DENND4B: variants seen among roughly 807,000 people sequenced by gnomAD.
DENND4B encodes DENN domain-containing protein 4B.
Under a neutral mutation model 161.0 loss-of-function variants are expected in DENND4B, and 67 were observed. The ratio of observed to expected loss-of-function variants is 0.42; its 90% CI spans 0.34 to 0.51. DENND4B has a LOEUF of 0.51. DENND4B is among the 20% of genes least tolerant of loss of function. The pLI, the probability that DENND4B is intolerant of heterozygous loss-of-function variation, is 0.08. For synonymous variants in DENND4B, 753 were observed against 813.8 expected, an observed-to-expected ratio of 0.93 and a Z score of 1.27; for missense variants, 1,481 against 1,968.0, an observed-to-expected ratio of 0.75 and a Z score of 4.68.
rs373086561 is a variant in DENND4B at position 153,932,590 on chromosome 1, C to G, written c.3759+52G>C. Reference sequence around the variant, plus strand: ...CATCTCTCCCTGGCACCCCACAGGCCCCACACAGGGCAACATTCCCGTTCC... The same window carrying G: ...CATCTCTCCCTGGCACCCCACAGGCGCCACACAGGGCAACATTCCCGTTCC... On this transcript the variant is annotated intron_variant, in intron 23 of 27. Transcript: ENST00000361217. This position sits in a 1 kb window ranked among gnomAD's most constrained non-coding sequence, Gnocchi z 5.8. 1.3e-6 allele frequency: 2 copies of G among 1,587,018 alleles called. No homozygotes were observed. Among genetic ancestry groups the G allele is most frequent in the African/African-American group, 2.7e-5 (2 of 74,462 alleles).
chr1:153,937,868 A>G lies in DENND4B; in HGVS notation c.1966-5T>C, dbSNP rs748675234. 1.9e-6 allele frequency: 3 copies of G among 1,613,852 alleles called. No individual in the cohort carries two copies. Among genetic ancestry groups the G allele is most frequent in the Non-Finnish European group, 2.5e-6 (3 of 1,179,898 alleles). On this transcript the variant is annotated splice_region_variant and splice_polypyrimidine_tract_variant and intron_variant, in intron 13 of 27. Coordinates refer to ENST00000361217, the MANE Select transcript of DENND4B (RefSeq NM_014856.3). The surrounding 1 kb of genome is among the most constrained non-coding windows in gnomAD (Gnocchi z 4.7). ...CTTCTCCTGCTCTGGGTGGACCTGGAGAAGGATTTTAAGAGAGCAAGTGTT... is the reference window on the plus strand; with the variant it reads ...CTTCTCCTGCTCTGGGTGGACCTGGGGAAGGATTTTAAGAGAGCAAGTGTT...
rs371705078 is a variant in DENND4B, at chr1:153,936,516, T to A, written c.2439+26A>T. On this transcript the variant is annotated intron_variant, in intron 16 of 27. Transcript: ENST00000361217. The surrounding 1 kb of genome is among the most constrained non-coding windows in gnomAD (Gnocchi z 4.1). ...GCACAAGGCTCACTGGGCCTGGGTA[T>A]GAGCATGGTCACATAGATTGCCTAC... The A allele has an allele frequency of 2.6e-6, 4 of 1,544,828 alleles. No individual in the cohort carries two copies. The highest frequency in any genetic ancestry group is 3.5e-6 in the Non-Finnish European group (4 of 1,139,792).
In DENND4B at chr1:153,932,695, G is replaced by A. The variant is rs369283763; in HGVS notation, c.3706C>T (p.Arg1236Ter). The change falls in exon 23 of 28, where the codon CGA becomes TGA. Residue 1236 changes from arginine to a stop codon, truncating the protein, a stop_gained. Transcript: ENST00000361217. LOFTEE classifies it high-confidence loss of function. This position sits in a 1 kb window ranked among gnomAD's most constrained non-coding sequence, Gnocchi z 5.8. ...TCATCCAGAGCAAGGCAGAGCCTTC[G>A]GTCACTGAGCACAGGGCCAGGACCA... is the stretch of plus-strand genomic sequence containing the variant. Reference protein sequence around the residue: ...PGGPGPVLSDRRLCLALDEPQ... With the variant: ...PGGPGPVLSD 5 of 1,613,940 alleles carry A rather than the reference G, an allele frequency of 3.1e-6. No individual in the cohort carries two copies. Among genetic ancestry groups the A allele is most frequent in the South Asian group, 1.1e-5 (1 of 91,096 alleles).
chr1:153,942,121 G>A lies in DENND4B; in HGVS notation c.811-8C>T. The A allele has an allele frequency of 6.2e-7, 1 of 1,613,820 alleles. No individual in the cohort carries two copies. On this transcript the variant is annotated splice_polypyrimidine_tract_variant and splice_region_variant and intron_variant, in intron 5 of 27. Transcript: ENST00000361217. This position sits in a 1 kb window ranked among gnomAD's most constrained non-coding sequence, Gnocchi z 6.9. Reference sequence around the variant, plus strand: ...CAGGGCGGCACCATACACCTGGCAGGGGGCAGAAGGGTAGTCAGGCAGGCC... The same window carrying A: ...CAGGGCGGCACCATACACCTGGCAGAGGGCAGAAGGGTAGTCAGGCAGGCC...
Position 153,937,711 on chromosome 1 carries a change from A to G in DENND4B, c.2105+13T>C, listed in dbSNP as rs1679431284. 1 of 1,613,916 alleles carries G rather than the reference A, an allele frequency of 6.2e-7. No individual in the cohort carries two copies. The highest frequency in any genetic ancestry group is 1.1e-5 in the South Asian group (1 of 91,094). On this transcript the variant is annotated intron_variant, in intron 14 of 27. Coordinates refer to ENST00000361217, the MANE Select transcript of DENND4B (RefSeq NM_014856.3). The surrounding 1 kb of genome is among the most constrained non-coding windows in gnomAD (Gnocchi z 4.7). ...TGGGACCCTGGAACATGTGAAGGCT[A>G]AGAGACTCTCACCAGTACTGGGGAG...
Position 153,937,572 on chromosome 1 carries a change from A to G in DENND4B, c.2148T>C (p.Ser716=). ...FPELRAELFE[S]LQEQPGALPV... is the part of the protein sequence containing the mutation. ...GCAGGGCCCCAGGTTGCTCTTGAAG[A>G]GACTCAAACAACTCAGCCCGTAGCT... The change falls in exon 15 of 28, where the codon TCT becomes TCC. Residue 716 remains serine, a synonymous_variant. Coordinates refer to ENST00000361217, the MANE Select transcript of DENND4B (RefSeq NM_014856.3). This position sits in a 1 kb window ranked among gnomAD's most constrained non-coding sequence, Gnocchi z 4.7. The G allele has an allele frequency of 6.2e-7, 1 of 1,613,564 alleles. No individual in the cohort carries two copies. The highest frequency in any genetic ancestry group is 8.5e-7 in the Non-Finnish European group (1 of 1,179,658).
At chr1:153,939,553 A>G (rs1005509009) in intron 12 of DENND4B, 36 bp downstream of exon 12, 19 of 1,566,970 alleles carry the variant, frequency 1.2e-5, no homozygotes, top group East Asian at 2.3e-5. Flanking sequence ...ACCTCCTCCC[A>G]TGATACATCT....
chr1:153,934,170 C>A lies in DENND4B; in HGVS notation c.2906G>T (p.Gly969Val), dbSNP rs1248281779. The change falls in exon 19 of 28, where the codon GGG (glycine) becomes GTG (valine). Residue 969 changes from glycine to valine, a missense_variant. Around this residue, in one of 3 missense-constraint regions of DENND4B, gnomAD observed 339 missense variants for 330.3 expected, o/e 1.03. Transcript: ENST00000361217. The surrounding 1 kb of genome is among the most constrained non-coding windows in gnomAD (Gnocchi z 5.3). ...ACCGGCCTCCACAGTGGGCTGTGCC[C>A]CTCGGGCACTGCCCAGGCTACCACT... Reference protein sequence around the residue: ...VKSGSLGSARGAQPTVEAGVA... With the variant: ...VKSGSLGSARVAQPTVEAGVA... 5 of 1,591,514 alleles carry A rather than the reference C, an allele frequency of 3.1e-6. No homozygotes were observed. The South Asian group carries it at 5.7e-5, about 18-fold the overall frequency.
Position 153,946,162 on chromosome 1 carries a change from AC to A in DENND4B, c.-24+138del, listed in dbSNP as rs1463607490. ...GGGAGGTGCCCTCCCCTCCACTTTC[AC>A]TTCCCCAGGAGAGAGGAACCGGAAC... On this transcript the variant is annotated intron_variant, in intron 1 of 27. Coordinates refer to ENST00000361217, the MANE Select transcript of DENND4B (RefSeq NM_014856.3). This position sits in a 1 kb window ranked among gnomAD's most constrained non-coding sequence, Gnocchi z 6.3. The A allele has an allele frequency of 3.4e-6, 1 of 291,492 alleles. No individual in the cohort carries two copies. The highest frequency in any genetic ancestry group is 6.3e-6 in the Non-Finnish European group (1 of 158,438). 18.1% of individuals were successfully genotyped at this position (291,492 alleles called of 1,614,324 possible).
chr1:153,939,164 T>G, intron 12 of DENND4B, 119 bp from the exon 13 acceptor site: 1 of 1,273,960 alleles, frequency 7.8e-7, no homozygotes, highest in Non-Finnish European at 1.1e-6. Context: ...CATAATCTCT[T>G]GGACCCTCTG....
Position 153,942,484 on chromosome 1 carries a change from G to C in DENND4B, c.640+72C>G. 1 of 1,564,586 alleles carries C rather than the reference G, an allele frequency of 6.4e-7. No individual in the cohort carries two copies. Among genetic ancestry groups the C allele is most frequent in the Non-Finnish European group, 8.7e-7 (1 of 1,153,778 alleles). ...GAAAGTAAACTCTGGGGACACTTAAGGTGCCTGCCAAGAGGCACCAGGGCA... is the reference window on the plus strand; with the variant it reads ...GAAAGTAAACTCTGGGGACACTTAACGTGCCTGCCAAGAGGCACCAGGGCA... On this transcript the variant is annotated intron_variant, in intron 4 of 27. Coordinates refer to ENST00000361217, the MANE Select transcript of DENND4B (RefSeq NM_014856.3). The surrounding 1 kb of genome is among the most constrained non-coding windows in gnomAD (Gnocchi z 6.9).
Position 153,940,841 on chromosome 1 carries a change from G to T in DENND4B, c.1326+63C>A. ...AAGGAAAAGGGAAGAGTCCAGGCAG[G>T]GATAGGGGCACCAGAAAGAACCATG... On this transcript the variant is annotated intron_variant, in intron 9 of 27. Coordinates refer to ENST00000361217, the MANE Select transcript of DENND4B (RefSeq NM_014856.3). The surrounding 1 kb of genome is among the most constrained non-coding windows in gnomAD (Gnocchi z 5.6). The T allele has an allele frequency of 2.0e-6, 3 of 1,522,524 alleles. No homozygotes were observed. The highest frequency in any genetic ancestry group is 2.3e-5 in the East Asian group (1 of 43,984). The allele number at this position is 1,522,524 out of a possible 1,614,324, so 94.3% of individuals were successfully genotyped here. A position where few individuals can be genotyped will look rare whatever the true frequency, so the allele number is the denominator to read the frequency against.
rs575035886 is a variant in DENND4B at position 153,942,280 on chromosome 1, G to T, written c.717C>A (p.Pro239=). The part of the protein sequence containing the change: ...LPESVPVFCL[P]MGATIECWPA... The stretch of plus-strand genomic sequence containing the variant: ...GCCAGCACTCGATAGTGGCCCCCAT[G>T]GGCAGGCAGAAGACGGGCACTGACT... The change falls in exon 5 of 28, where the codon CCC becomes CCA. Residue 239 remains proline (P), a synonymous_variant. Transcript: ENST00000361217. The surrounding 1 kb of genome is among the most constrained non-coding windows in gnomAD (Gnocchi z 6.9). 3.7e-6 allele frequency: 6 copies of T among 1,613,780 alleles called. No homozygotes were observed. The highest frequency in any genetic ancestry group is 4.2e-6 in the Non-Finnish European group (5 of 1,179,866).
Position 153,939,001 on chromosome 1 carries a change from G to A in DENND4B, c.1864C>T (p.Gln622Ter). 1 of 1,612,536 alleles carries A rather than the reference G, an allele frequency of 6.2e-7. No individual in the cohort carries two copies. Among genetic ancestry groups the A allele is most frequent in the Non-Finnish European group, 8.5e-7 (1 of 1,179,306 alleles). Residue 622 changes from glutamine (Q) to a stop codon, truncating the protein, a stop_gained, in exon 13 of 28, where the codon CAG becomes TAG. Transcript: ENST00000361217. LOFTEE classifies it high-confidence loss of function. ...RERSSHKLYS[Q>*]LLHTQMFSQF... The stretch of plus-strand genomic sequence containing the variant: ...GAGAACATCTGTGTGTGCAGCAGCT[G>A]AGAGTAAAGTTTGTGGCTGGAGCGT...
Position 153,939,590 on chromosome 1 carries a change from C to G in DENND4B, c.1818G>C (p.Gln606His), listed in dbSNP as rs1304879817. The G allele has an allele frequency of 1.2e-6, 2 of 1,606,602 alleles. No homozygotes were observed. The highest frequency in any genetic ancestry group is 2.7e-5 in the African/African-American group (2 of 74,768). The change falls in exon 12 of 28, where the codon CAG becomes CAC. Residue 606 changes from glutamine (Q) to histidine (H), a missense_variant and splice_region_variant. Coordinates refer to ENST00000361217, the MANE Select transcript of DENND4B (RefSeq NM_014856.3). ...ARDVDNLFFL[Q>H]GFLKSRERSS... ...CAAGCAGAGACAGGCCCTCTATACC[C>G]TGCAGGAAGAAAAGGTTGTCAACAT...
At position 153,939,715 on chromosome 1, in the gene DENND4B, C is replaced by T. The variant is rs755083988; in HGVS notation, c.1693G>A (p.Glu565Lys). Residue 565 changes from glutamate to lysine, a missense_variant, in exon 12 of 28, where the codon GAA becomes AAA. Coordinates refer to ENST00000361217, the MANE Select transcript of DENND4B (RefSeq NM_014856.3). ...VCGRRARLER[E>K]VQGAFLRFMA... ...AAGCGGAGGAAGGCTCCTTGGACTTCGCGCTCCAGCCGGGCCCTGCGGCCA... is the reference window on the plus strand; with the variant it reads ...AAGCGGAGGAAGGCTCCTTGGACTTTGCGCTCCAGCCGGGCCCTGCGGCCA... 12 of 1,613,972 alleles carry T rather than the reference C, an allele frequency of 7.4e-6. No individual in the cohort carries two copies. The highest frequency in any genetic ancestry group is 1.7e-5 in the Admixed American group (1 of 60,020).
rs780147424 is a variant in DENND4B at position 153,932,318 on chromosome 1, G to A, written c.3882C>T (p.Pro1294=). 5.6e-6 allele frequency: 9 copies of A among 1,613,944 alleles called. No homozygotes were observed. The Admixed American group carries it at 8.3e-5, about 15-fold the overall frequency. Residue 1294 remains proline, a synonymous_variant, in exon 24 of 28, where the codon CCC becomes CCT. Transcript: ENST00000361217. This position sits in a 1 kb window ranked among gnomAD's most constrained non-coding sequence, Gnocchi z 5.8. The part of the protein sequence containing the change: ...GSEVLALPEL[P]SAHPIIFWNL... ...TCCAGAAGATGATGGGGTGGGCAGA[G>A]GGCAGTTCAGGCAACGCCAGCACCT...
rs943692438 is a variant in DENND4B, at chr1:153,930,544, T to G, written c.4340A>C (p.Asp1447Ala). The G allele has an allele frequency of 1.2e-6, 2 of 1,613,906 alleles. No homozygotes were observed. Among genetic ancestry groups the G allele is most frequent in the African/African-American group, 1.3e-5 (1 of 74,930 alleles). ...TMAALGKDHV[D>A]IVAFDKKYKS... ...CCCCTTGCCTGCAATCTCACCTATGTCCACGTGGTCCTTGCCCAGAGCAGC... is the reference window on the plus strand; with the variant it reads ...CCCCTTGCCTGCAATCTCACCTATGGCCACGTGGTCCTTGCCCAGAGCAGC... Residue 1447 changes from aspartate to alanine, a missense_variant, in exon 27 of 28, where the codon GAC becomes GCC. By Grantham distance (126) the Asp-to-Ala change is moderately radical. Transcript: ENST00000361217. The surrounding 1 kb of genome is among the most constrained non-coding windows in gnomAD (Gnocchi z 4.7).
chr1:153,936,540 A>G lies in DENND4B; in HGVS notation c.2439+2T>C. The G allele has an allele frequency of 6.3e-7, 1 of 1,586,434 alleles. No homozygotes were observed. Among genetic ancestry groups the G allele is most frequent in the Non-Finnish European group, 8.6e-7 (1 of 1,163,006 alleles). On this transcript the variant is annotated splice_donor_variant, in intron 16 of 27. Transcript: ENST00000361217. LOFTEE classifies it high-confidence loss of function. The surrounding 1 kb of genome is among the most constrained non-coding windows in gnomAD (Gnocchi z 4.1). Reference sequence around the variant, plus strand: ...ATGAGCATGGTCACATAGATTGCCTACCTCATCAGGGAGCACCACCTTGCC... The same window carrying G: ...ATGAGCATGGTCACATAGATTGCCTGCCTCATCAGGGAGCACCACCTTGCC...
Sources: gnomAD v4.1 joint callset for allele counts on GRCh38, gnomAD v4.1.1 for gene constraint, gnomAD v4.1.1 regional missense constraint, Gnocchi (gnomAD v3.1) non-coding constraint, MANE v1.5 for transcripts, NCBI Gene and HGNC (gene_info 2026-07-23, HGNC 2026-07-21) for gene names.